The following SNX29 variants were observed in gnomAD, a reference collection of about 807,000 sequenced individuals.
SNX29 encodes sorting nexin-29.
A neutral mutation model predicts 102.1 loss-of-function variants in SNX29; 78 were observed. The observed-to-expected ratio is 0.76, with a 90% CI of 0.64 to 0.92. The LOEUF is 0.92. SNX29 is among the 40% of genes least tolerant of loss of function. The pLI, the probability that SNX29 is intolerant of heterozygous loss-of-function variation, is 0.00. For synonymous variants in SNX29, 580 were observed against 414.5 expected, an observed-to-expected ratio of 1.40 and a Z score of -4.85; for missense variants, 1,280 against 1,061.7, an observed-to-expected ratio of 1.21 and a Z score of -2.86.
At chr16:12,128,593 C>T (rs763388970) in intron 12 of SNX29, among the ~76,000 whole-genome samples, 3 of 151,772 alleles carry the variant, frequency 2.0e-5, no homozygotes, top group Non-Finnish European at 4.4e-5. Context: ...GCTGGCATTA[C>T]AGGTGTGTAC....
chr16:12,567,123 T>G (rs2079044269), intron 20 of SNX29, among the ~76,000 whole-genome samples: 1 of 152,242 alleles, frequency 6.6e-6, no homozygotes, highest in Non-Finnish European at 1.5e-5. Context: ...GTCTCTTAAC[T>G]CACATGATTT....
At chr16:12,431,626 G>A (rs781351061) in intron 18 of SNX29, among the ~76,000 whole-genome samples, 7 of 151,974 alleles carry the variant, frequency 4.6e-5, no homozygotes, top group Non-Finnish European at 1.0e-4. Flanking sequence ...CAGAAAATGG[G>A]TCCATCTGTG....
At chr16:12,441,089 C>CTTTTTTT (rs34125065) in intron 18 of SNX29, among the ~76,000 whole-genome samples, 1 of 102,712 alleles carries the variant, frequency 9.7e-6, no homozygotes. Flanking sequence ...TACTTCATTC[C>CTTTTTTT]TTTTTTTTTT....
intron 16 of SNX29, among the ~76,000 whole-genome samples, chr16:12,395,100 C>T (rs2083671319): frequency 6.6e-6 from 1 of 152,100 alleles, no homozygotes; most frequent in Admixed American, 6.5e-5. Context: ...TTCTTTTTCT[C>T]TCCCTCTTCT....
chr16:12,322,921 C>T (rs113043308), intron 15 of SNX29, among the ~76,000 whole-genome samples: 1,250 of 31,416 alleles, frequency 0.04, 2 homozygotes, highest in East Asian at 0.14. Context: ...CTGGAGTCAC[C>T]GGGGACCACT....
chr16:12,366,611 G>A (rs1395734323), intron 16 of SNX29, among the ~76,000 whole-genome samples: 2 of 152,192 alleles, frequency 1.3e-5, no homozygotes, highest in African/African-American at 2.4e-5. Flanking sequence ...CCTGGTCAGA[G>A]TTTGGTCTAG....
intron 3 of SNX29, among the ~76,000 whole-genome samples, chr16:12,010,105 A>G (rs181103697): frequency 1.2e-4 from 18 of 152,338 alleles, no homozygotes; most frequent in Non-Finnish European, 2.5e-4. Flanking sequence ...GTATAATGGT[A>G]TTCACTTCAG....
chr16:12,389,462 C>T (rs1318406165), intron 16 of SNX29, among the ~76,000 whole-genome samples: 1 of 152,142 alleles, frequency 6.6e-6, no homozygotes, highest in Admixed American at 6.6e-5. Context: ...TCTCATTCTC[C>T]TGCCTGCCAC....
chr16:12,106,533 G>C (rs556367225), intron 11 of SNX29, among the ~76,000 whole-genome samples: 1 of 152,054 alleles, frequency 6.6e-6, no homozygotes, highest in African/African-American at 2.4e-5. Context: ...CAGCGCAGTG[G>C]AATGATGATA....
At chr16:12,409,923 C>A (rs1162195962) in intron 18 of SNX29, among the ~76,000 whole-genome samples, 12 of 152,178 alleles carry the variant, frequency 7.9e-5, no homozygotes. Flanking sequence ...TTCATTTGCG[C>A]AACAGAACCG....
At chr16:12,365,326 TTGTGTGTGTGTGTGTGTGTGTGTG>T (rs58869867) in intron 16 of SNX29, among the ~76,000 whole-genome samples, 6 of 139,776 alleles carry the variant, frequency 4.3e-5, no homozygotes, top group Non-Finnish European at 7.7e-5. Flanking sequence ...ACATCAGGAT[TTGTGTGTGTGTGTGTGTGTGTGTG>T]TGTGTGTGTG....
intron 20 of SNX29, chr16:12,561,295 C>T (rs1300951453): frequency 1.7e-5 from 4 of 230,790 alleles, no homozygotes; most frequent in African/African-American, 4.4e-5. Flanking sequence ...GAACATTCTC[C>T]ATGATCTTCA....
At chr16:12,541,611 C>A (rs555440434) in intron 20 of SNX29, among the ~76,000 whole-genome samples, 9 of 152,174 alleles carry the variant, frequency 5.9e-5, no homozygotes, top group African/African-American at 1.9e-4. Context: ...CACTCTGGGC[C>A]ACATCTCTGT....
At chr16:12,336,039 T>C (rs1374148547) in intron 15 of SNX29, among the ~76,000 whole-genome samples, 1 of 152,166 alleles carries the variant, frequency 6.6e-6, no homozygotes, top group Non-Finnish European at 1.5e-5. Flanking sequence ...GCACTTGATA[T>C]CTTTATGAAA....
At chr16:12,560,611 C>T (rs996508254) in intron 20 of SNX29, 2 of 152,920 alleles carry the variant, frequency 1.3e-5, no homozygotes, top group Admixed American at 6.5e-5. Flanking sequence ...CAGCAAGCAA[C>T]AGCTGCCTTG....
chr16:12,244,696 A>C (rs1014453963), intron 14 of SNX29, among the ~76,000 whole-genome samples: 3 of 152,134 alleles, frequency 2.0e-5, no homozygotes, highest in Admixed American at 6.5e-5. Flanking sequence ...TTCAGTACTG[A>C]TCAGAGCCCT....
intron 8 of SNX29, chr16:12,052,743 T>A (rs2050358774): frequency 6.0e-6 from 1 of 166,346 alleles, no homozygotes; most frequent in Admixed American, 5.5e-5. Context: ...TGTCAGAATG[T>A]GTGCCTTGAA....
At chr16:12,003,942 T>A (rs1370726036) in intron 3 of SNX29, among the ~76,000 whole-genome samples, 3 of 151,560 alleles carry the variant, frequency 2.0e-5, no homozygotes, top group Non-Finnish European at 4.4e-5. Flanking sequence ...AGGCTAATTT[T>A]GGGGAAAATT....
Position 11,999,244 on chromosome 16 carries a change from G to A in SNX29, c.8-53G>A. The A allele has an allele frequency of 2.6e-6, 4 of 1,564,258 alleles. 1 individual carries two copies. In the South Asian group the frequency reaches 4.5e-5, roughly 17 times the overall value. ...GTAGGAAAGGACTGATCTAGTTGGG[G>A]ACAGCCGTGTCCGAGCGTCAGAGAG... is the stretch of plus-strand genomic sequence containing the variant. On this transcript the variant is annotated intron_variant, in intron 1 of 20. Transcript: ENST00000566228.
Sources: gnomAD v4.1 joint callset for allele counts (sites outside exome capture counted in the v4.1 genomes callset) on GRCh38, gnomAD v4.1.1 for gene constraint, MANE v1.5 for transcripts, NCBI Gene and HGNC (gene_info 2026-07-23, HGNC 2026-07-21) for gene names.